MIS18A: variants seen among roughly 807,000 people sequenced by gnomAD.
The protein encoded by MIS18A is protein Mis18-alpha.
In MIS18A, 14 loss-of-function variants were observed where a neutral mutation model predicts 25.0. The observed-to-expected ratio is 0.56, with a 90% CI of 0.37 to 0.88. MIS18A has a LOEUF of 0.88. Ranked by LOEUF, MIS18A falls within the 40% of genes least tolerant of loss-of-function variation. The pLI, the probability that MIS18A is intolerant of heterozygous loss-of-function variation, is 0.00. For missense variants in MIS18A, 292 were observed against 290.8 expected (o/e 1.00, Z -0.03); for synonymous variants, 134 against 118.6 (o/e 1.13, Z -0.84).
At chr21:32,220,753 T>C in the MIS18A span, among the ~76,000 whole-genome samples, 1 of 152,024 alleles carries the variant, frequency 6.6e-6, no homozygotes, top group Admixed American at 6.6e-5. Context: ...CAGGACTTGC[T>C]AACTAGAATA....
At chr21:32,246,135 A>G in the MIS18A span, among the ~76,000 whole-genome samples, 84 of 152,298 alleles carry the variant, frequency 5.5e-4, 1 homozygote, top group African/African-American at 2.0e-3. Context: ...GGATGGTGCC[A>G]AACTATTCAT....
chr21:32,159,485 G>A, the MIS18A span, among the ~76,000 whole-genome samples: 1 of 152,156 alleles, frequency 6.6e-6, no homozygotes, highest in Non-Finnish European at 1.5e-5. Context: ...GTCTTGGTCT[G>A]TGTTTTATAG....
chr21:32,180,517 TTTTCAC>T, the MIS18A span, among the ~76,000 whole-genome samples: 1 of 152,240 alleles, frequency 6.6e-6, no homozygotes, highest in East Asian at 1.9e-4. Flanking sequence ...TTGTTTCTAA[TTTTCAC>T]TATCACAGCT....
In MIS18A at chr21:32,270,407, C is replaced by T. The variant is rs1409556944; in HGVS notation, c.524G>A (p.Ser175Asn). ...LFCLSVEAIE[S>N]YVLGSSEKQI... ...GTAAACATTTATATATCAAACTTAC[C>T]TTTCAATGGCTTCAACACTGAGGCA... The change falls in exon 3 of 5, where the codon AGT becomes AAT. Residue 175 changes from serine (S) to asparagine (N), a missense_variant and splice_region_variant. Coordinates refer to ENST00000290130, the MANE Select transcript of MIS18A (RefSeq NM_018944.3). 6 of 1,613,696 alleles carry T rather than the reference C, an allele frequency of 3.7e-6. No homozygotes were observed. The South Asian group carries it at 6.6e-5, about 18-fold the overall frequency.
the MIS18A span, among the ~76,000 whole-genome samples, chr21:32,185,537 A>C: frequency 6.6e-6 from 1 of 152,128 alleles, no homozygotes; most frequent in African/African-American, 2.4e-5. Context: ...TCAGTAATAA[A>C]AGTGATCATG....
At chr21:32,262,230 T>C in the MIS18A span, among the ~76,000 whole-genome samples, 2 of 152,196 alleles carry the variant, frequency 1.3e-5, no homozygotes, top group Admixed American at 1.3e-4. Flanking sequence ...GCTCCGCACC[T>C]CCTAAATGAT....
chr21:32,164,067 T>A, the MIS18A span, among the ~76,000 whole-genome samples: 1 of 152,114 alleles, frequency 6.6e-6, no homozygotes, highest in Non-Finnish European at 1.5e-5. Context: ...AACTCATTCA[T>A]TACCATGTGA....
At chr21:32,218,192 CAAAAAAA>C in the MIS18A span, among the ~76,000 whole-genome samples, 2 of 56,374 alleles carry the variant, frequency 3.5e-5, no homozygotes, top group East Asian at 1.2e-3. Flanking sequence ...GACTCCATCT[CAAAAAAA>C]AAAAAAAAAA....
the MIS18A span, among the ~76,000 whole-genome samples, chr21:32,245,834 C>T: frequency 6.6e-6 from 1 of 152,230 alleles, no homozygotes; most frequent in East Asian, 1.9e-4. Flanking sequence ...TGCCCCTGGA[C>T]ACCTGTGTTA....
chr21:32,262,368 A>G, the MIS18A span, among the ~76,000 whole-genome samples: 1 of 152,250 alleles, frequency 6.6e-6, no homozygotes, highest in African/African-American at 2.4e-5. Flanking sequence ...AAATGGCTAC[A>G]TGCTCTTCTT....
chr21:32,189,939 G>C, the MIS18A span, among the ~76,000 whole-genome samples: 2 of 152,162 alleles, frequency 1.3e-5, no homozygotes, highest in South Asian at 4.1e-4. Context: ...GCCCTGAGCA[G>C]TTACCCAACA....
At chr21:32,171,489 T>A in the MIS18A span, among the ~76,000 whole-genome samples, 1 of 152,052 alleles carries the variant, frequency 6.6e-6, no homozygotes, top group African/African-American at 2.4e-5. Flanking sequence ...CTGAGAAATG[T>A]CTTTAAGACA....
intron 4 of MIS18A, among the ~76,000 whole-genome samples, chr21:32,269,323 A>G (rs1344820017): frequency 6.6e-6 from 1 of 152,242 alleles, no homozygotes; most frequent in Non-Finnish European, 1.5e-5. Flanking sequence ...TTCTCAACCT[A>G]TAATCTACAT....
At chr21:32,195,845 C>A in the MIS18A span, among the ~76,000 whole-genome samples, 2 of 151,932 alleles carry the variant, frequency 1.3e-5, no homozygotes, top group African/African-American at 4.8e-5. Flanking sequence ...CATGGTGAAG[C>A]CTTGTCTCTA....
At chr21:32,167,925 C>T in the MIS18A span, among the ~76,000 whole-genome samples, 9 of 152,228 alleles carry the variant, frequency 5.9e-5, 1 homozygote, top group African/African-American at 1.4e-4. Context: ...GACAATAGGA[C>T]GTTGTTATGG....
chr21:32,173,729 A>T, the MIS18A span, among the ~76,000 whole-genome samples: 2 of 152,150 alleles, frequency 1.3e-5, no homozygotes, highest in African/African-American at 4.8e-5. Context: ...ACAGAAACAG[A>T]AAAAATACAT....
chr21:32,264,262 T>A (rs1192371390), downstream of MIS18A, among the ~76,000 whole-genome samples: 6 of 152,176 alleles, frequency 3.9e-5, no homozygotes, highest in Admixed American at 2.0e-4. Context: ...AATTATTAAT[T>A]GTAAGATTAT....
chr21:32,229,135 T>C, the MIS18A span, among the ~76,000 whole-genome samples: 1 of 152,258 alleles, frequency 6.6e-6, no homozygotes, highest in Non-Finnish European at 1.5e-5. Flanking sequence ...CTATGTTTCT[T>C]AGTCCCTTGG....
At chr21:32,181,122 G>A in the MIS18A span, among the ~76,000 whole-genome samples, 4 of 152,086 alleles carry the variant, frequency 2.6e-5, no homozygotes, top group Non-Finnish European at 5.9e-5. Context: ...AATCACTGAA[G>A]GCCTGAGTAG....
Sources: allele counts gnomAD v4.1 joint callset (sites outside exome capture counted in the v4.1 genomes callset), GRCh38; gene constraint gnomAD v4.1.1; transcripts MANE v1.5; gene names NCBI Gene and HGNC (gene_info 2026-07-23, HGNC 2026-07-21).